Variants in XKR9 observed in about 807,000 individuals in gnomAD.
The protein encoded by XKR9 is XK related 9.
Under a neutral mutation model 32.0 loss-of-function variants are expected in XKR9, and 32 were observed. The ratio of observed to expected loss-of-function variants is 1.00; its 90% CI spans 0.76 to 1.34. The LOEUF is 1.34. Ranked by LOEUF, XKR9 falls within the 40% of genes most tolerant of loss-of-function variation. The pLI is 0.00. For synonymous variants in XKR9, 168 were observed against 143.4 expected (o/e 1.17, Z -1.22); for missense variants, 546 against 429.7 (o/e 1.27, Z -2.39).
In XKR9 at chr8:70,705,062, A is replaced by G. The variant is rs576898688; in HGVS notation, c.273-1871A>G. 1.5e-4 allele frequency among the ~76,000 whole-genome samples: 23 copies of G among 152,288 alleles called. No homozygotes were observed. In the East Asian group the frequency reaches 2.3e-3, roughly 15 times the overall value. ...ATATGCTCCTTTTTGCCAGACAAAG[A>G]ATCTTTGCATATCCATATATTTATC... On this transcript the variant is annotated intron_variant, in intron 3 of 4. Coordinates refer to ENST00000408926, the MANE Select transcript of XKR9 (RefSeq NM_001011720.2).
At chr8:71,013,107 A>G in the XKR9 span, among the ~76,000 whole-genome samples, 65,399 of 152,006 alleles carry the variant, frequency 0.43, 15,171 homozygotes, top group Non-Finnish European at 0.53. Flanking sequence ...GTTGAAGTTG[A>G]AATAATTGCG....
chr8:70,696,659 G>A (rs1382053894), intron 3 of XKR9, among the ~76,000 whole-genome samples: 6 of 141,382 alleles, frequency 4.2e-5, no homozygotes, highest in Admixed American at 2.8e-4. Flanking sequence ...TTGACTCGGC[G>A]ATGCGGGCTC....
Position 70,681,114 on chromosome 8 carries a change from T to TA in XKR9, c.58dup (p.Thr20AsnfsTer2). On this transcript the variant is annotated frameshift_variant, in exon 3 of 5. Coordinates refer to ENST00000408926, the MANE Select transcript of XKR9 (RefSeq NM_001011720.2). LOFTEE classifies it high-confidence loss of function. ...TCAGTTCTTGGCATTATAATCTACG[T>TA]AACTGATTTAATTGTGGACATATGG... The TA allele has an allele frequency of 6.2e-7, 1 of 1,613,406 alleles. No homozygotes were observed. Among genetic ancestry groups the TA allele is most frequent in the Non-Finnish European group, 8.5e-7 (1 of 1,179,478 alleles).
At position 70,681,269 on chromosome 8, in the gene XKR9, G is replaced by A; in HGVS notation, c.211G>A (p.Gly71Ser). ...GTTCAAGGCTGATTTAAAGAAAGCA[G>A]GCCAAGAAAGTCAGCATTGTTTTCT... is the stretch of plus-strand genomic sequence containing the variant. ...SWFKADLKKA[G>S]QESQHCFLLL... is the part of the protein sequence containing the mutation. Residue 71 changes from glycine (G) to serine (S), a missense_variant, in exon 3 of 5, where the codon GGC becomes AGC. Transcript: ENST00000408926. The A allele has an allele frequency of 6.2e-7, 1 of 1,613,382 alleles. No homozygotes were observed. Among genetic ancestry groups the A allele is most frequent in the Admixed American group, 1.7e-5 (1 of 59,986 alleles).
the XKR9 span, among the ~76,000 whole-genome samples, chr8:70,968,623 T>G: frequency 1.4e-4 from 22 of 152,198 alleles, no homozygotes; most frequent in Non-Finnish European, 2.6e-4. Flanking sequence ...GGGGTTTTTG[T>G]GGGGCCTTTT....
At chr8:70,764,193 T>G (rs1281035365) in intron 2 of XKR9, among the ~76,000 whole-genome samples, 1 of 152,218 alleles carries the variant, frequency 6.6e-6, no homozygotes, top group Non-Finnish European at 1.5e-5. Flanking sequence ...GAGATAATAA[T>G]GACAATTAGG....
chr8:70,790,804 T>C (rs1325363094), downstream of XKR9, among the ~76,000 whole-genome samples: 1 of 152,094 alleles, frequency 6.6e-6, no homozygotes, highest in Non-Finnish European at 1.5e-5. Flanking sequence ...GGTGGCTTAT[T>C]AGCAACGGAA....
the XKR9 span, among the ~76,000 whole-genome samples, chr8:70,959,915 T>G: frequency 2.5e-4 from 38 of 152,326 alleles, 1 homozygote; most frequent in South Asian, 7.7e-3. Context: ...TAATCATATA[T>G]AATTTTAATT....
intron 3 of XKR9, among the ~76,000 whole-genome samples, chr8:70,688,802 T>A (rs1819407685): frequency 6.6e-6 from 1 of 152,076 alleles, no homozygotes; most frequent in Non-Finnish European, 1.5e-5. Flanking sequence ...TTTGTTAACT[T>A]ATAAAGTTGG....
chr8:70,848,783 G>T, the XKR9 span, among the ~76,000 whole-genome samples: 1 of 120,232 alleles, frequency 8.3e-6, no homozygotes, highest in Non-Finnish European at 1.7e-5. Flanking sequence ...AAAAAAAAAA[G>T]AGCAGGAGTT....
At chr8:70,868,363 T>C in the XKR9 span, among the ~76,000 whole-genome samples, 3 of 152,068 alleles carry the variant, frequency 2.0e-5, no homozygotes, top group Non-Finnish European at 4.4e-5. Context: ...TGCTTGGGCA[T>C]GTAGGTATTT....
chr8:70,896,967 A>G, the XKR9 span, among the ~76,000 whole-genome samples: 1 of 152,010 alleles, frequency 6.6e-6, no homozygotes, highest in Non-Finnish European at 1.5e-5. Flanking sequence ...CAAATACTAA[A>G]TCTTATTCAT....
At chr8:70,743,198 T>G (rs1336884510) in intron 2 of XKR9, among the ~76,000 whole-genome samples, 2 of 152,168 alleles carry the variant, frequency 1.3e-5, no homozygotes, top group African/African-American at 4.8e-5. Context: ...ATTTTTAACA[T>G]TTTTCAGATA....
chr8:70,829,849 T>A, the XKR9 span, among the ~76,000 whole-genome samples: 1 of 152,222 alleles, frequency 6.6e-6, no homozygotes, highest in Non-Finnish European at 1.5e-5. Flanking sequence ...CCATTTTGAA[T>A]CTTTTCTAAG....
the XKR9 span, among the ~76,000 whole-genome samples, chr8:70,943,662 G>T: frequency 5.9e-5 from 9 of 151,964 alleles, no homozygotes; most frequent in Non-Finnish European, 1.2e-4. Flanking sequence ...ATGATTAAAA[G>T]ATCTTGAGGA....
chr8:70,902,082 A>T, the XKR9 span, among the ~76,000 whole-genome samples: 4 of 152,222 alleles, frequency 2.6e-5, no homozygotes, highest in Admixed American at 2.0e-4. Context: ...GAAGTCAGGT[A>T]GCATGATACC....
intron 2 of XKR9, among the ~76,000 whole-genome samples, chr8:70,776,954 T>TATATATATATATATATATATATACAC (rs1286110884): frequency 1.1e-5 from 1 of 89,274 alleles, no homozygotes; most frequent in Non-Finnish European, 2.9e-5. Context: ...TCTCTATATA[T>TATATATATATATATATATATATACAC]ATATATATAT....
the XKR9 span, among the ~76,000 whole-genome samples, chr8:70,811,595 A>T: frequency 6.6e-6 from 1 of 152,350 alleles, no homozygotes; most frequent in Non-Finnish European, 1.5e-5. Context: ...ACAATAAAAA[A>T]TGATAAAGGG....
At chr8:70,743,163 A>G (rs1807012365) in intron 2 of XKR9, among the ~76,000 whole-genome samples, 1 of 152,152 alleles carries the variant, frequency 6.6e-6, no homozygotes, top group African/African-American at 2.4e-5. Flanking sequence ...CGTATCTTCA[A>G]TCTACTGTTA....
Sources: gnomAD v4.1 joint callset for allele counts (sites outside exome capture counted in the v4.1 genomes callset) on GRCh38, gnomAD v4.1.1 for gene constraint, MANE v1.5 for transcripts, NCBI Gene and HGNC (gene_info 2026-07-23, HGNC 2026-07-21) for gene names.